The following SRBD1 variants were observed in gnomAD, a reference collection of about 807,000 sequenced individuals.
SRBD1 encodes the protein S1 RNA binding domain 1, also known as S1 RNA-binding domain-containing protein 1.
SRBD1 carries 88 observed loss-of-function variants against 115.3 expected under a neutral mutation model. The observed-to-expected ratio is 0.76, with a 90% confidence interval of 0.64 to 0.91. The LOEUF (loss-of-function observed/expected upper bound fraction) is 0.91, where lower values mean the gene tolerates loss of function less well. Among genes scored for constraint, SRBD1 ranks in the 40% least tolerant of loss-of-function variants. The pLI, the probability that SRBD1 is intolerant of heterozygous loss-of-function variation, is 0.00. For synonymous variants in SRBD1, 509 were observed against 407.7 expected (o/e 1.25, Z -2.99); for missense variants, 1,385 against 1,177.4 (o/e 1.18, Z -2.58).
intron 15 of SRBD1, among the ~76,000 whole-genome samples, chr2:45,482,204 AAC>A (rs1458345181): frequency 2.0e-5 from 3 of 152,144 alleles, no homozygotes; most frequent in Admixed American, 1.3e-4. Flanking sequence ...AATGAATGAC[AAC>A]AGTTTGCTGT....
At chr2:45,499,826 G>C (rs1372018550) in intron 14 of SRBD1, among the ~76,000 whole-genome samples, 1 of 151,750 alleles carries the variant, frequency 6.6e-6, no homozygotes, top group South Asian at 2.1e-4. Context: ...TCTACTTCTG[G>C]GTTCTCTCTT....
intron 19 of SRBD1, among the ~76,000 whole-genome samples, chr2:45,404,278 T>C (rs1417287853): frequency 6.6e-6 from 1 of 152,116 alleles, no homozygotes; most frequent in Non-Finnish European, 1.5e-5. Context: ...AGGTTTGAGA[T>C]CTTAAGTAGG....
At chr2:45,421,957 C>T (rs1469390491) in intron 16 of SRBD1, among the ~76,000 whole-genome samples, 1 of 152,150 alleles carries the variant, frequency 6.6e-6, no homozygotes, top group Non-Finnish European at 1.5e-5. Flanking sequence ...AACTTGGTTA[C>T]TCTGAGCCAC....
chr2:45,605,045 T>C (rs1462796294), intron 2 of SRBD1, among the ~76,000 whole-genome samples: 1 of 152,210 alleles, frequency 6.6e-6, no homozygotes, highest in Non-Finnish European at 1.5e-5. Context: ...TTGCACACAA[T>C]GTCAGTAGTG....
At position 45,580,146 on chromosome 2, in the gene SRBD1, A is replaced by T. The variant is rs1673304876; in HGVS notation, c.934-133T>A. 5 of 714,070 alleles carry T rather than the reference A, an allele frequency of 7.0e-6. No homozygotes were observed. In the South Asian group the frequency reaches 1.4e-4, roughly 19 times the overall value. 44.2% of individuals were successfully genotyped at this position (714,070 alleles called of 1,614,324 possible). A position where few individuals can be genotyped will look rare whatever the true frequency, so the allele number is the denominator to read the frequency against. On this transcript the variant is annotated intron_variant, in intron 6 of 20. Coordinates refer to ENST00000263736, the MANE Select transcript of SRBD1 (RefSeq NM_018079.5). ...TCAATCTTTTCCTCTTCCTTCAGAG[A>T]TGAATTAAAACTAATTTGAAAATGC...
intron 7 of SRBD1, among the ~76,000 whole-genome samples, chr2:45,579,674 G>C (rs1673284368): frequency 6.6e-6 from 1 of 151,930 alleles, no homozygotes. Flanking sequence ...ACGGGCAAAA[G>C]ACTAGAACAG....
intron 2 of SRBD1, among the ~76,000 whole-genome samples, chr2:45,604,955 T>C (rs1343603476): frequency 7.2e-5 from 11 of 152,194 alleles, no homozygotes; most frequent in Non-Finnish European, 2.9e-5. Context: ...AGGAAGCTAT[T>C]GGCATCCAGT....
chr2:45,463,167 A>G (rs1175456514), intron 16 of SRBD1, among the ~76,000 whole-genome samples: 1 of 152,150 alleles, frequency 6.6e-6, no homozygotes, highest in African/African-American at 2.4e-5. Context: ...GAACTTTGCC[A>G]TGAGTGAACC....
At chr2:45,548,692 A>T (rs1672196307) in intron 12 of SRBD1, among the ~76,000 whole-genome samples, 1 of 149,316 alleles carries the variant, frequency 6.7e-6, no homozygotes, top group Non-Finnish European at 1.5e-5. Context: ...TAAAGGACAA[A>T]AGCCACATGA....
chr2:45,395,557 T>TA (rs1184118620), intron 19 of SRBD1, among the ~76,000 whole-genome samples: 1 of 152,206 alleles, frequency 6.6e-6, no homozygotes, highest in African/African-American at 2.4e-5. Flanking sequence ...CTGAAATCAA[T>TA]AAAAAAGCAC....
chr2:45,521,413 T>G (rs1026384414), intron 14 of SRBD1, among the ~76,000 whole-genome samples: 1 of 151,788 alleles, frequency 6.6e-6, no homozygotes, highest in Non-Finnish European at 1.5e-5. Flanking sequence ...ATGTTCAACA[T>G]CTTAGTCACT....
chr2:45,543,548 G>C (rs6544828), intron 14 of SRBD1, among the ~76,000 whole-genome samples: 8,021 of 152,228 alleles, frequency 0.053, 723 homozygotes, highest in African/African-American at 0.18. Flanking sequence ...TGTTCAGAAG[G>C]TATTAAAAAT....
intron 16 of SRBD1, among the ~76,000 whole-genome samples, chr2:45,458,732 C>T (rs1269072183): frequency 1.3e-5 from 2 of 152,110 alleles, no homozygotes; most frequent in Admixed American, 1.3e-4. Flanking sequence ...TACACCAATA[C>T]TTCCTTTTTA....
chr2:45,421,919 G>A (rs536815288), intron 16 of SRBD1, among the ~76,000 whole-genome samples: 4 of 152,200 alleles, frequency 2.6e-5, no homozygotes, highest in African/African-American at 7.2e-5. Context: ...GAAAAAGATC[G>A]TAAAGTAAAA....
intron 19 of SRBD1, among the ~76,000 whole-genome samples, chr2:45,405,636 C>G (rs1667412080): frequency 6.6e-6 from 1 of 151,880 alleles, no homozygotes; most frequent in African/African-American, 2.4e-5. Context: ...TGATGAAGGT[C>G]AAAAGCTTGA....
At chr2:45,599,422 A>C in intron 4 of SRBD1, 27 bp downstream of exon 4, 9 of 1,594,092 alleles carry the variant, frequency 5.6e-6, no homozygotes, top group Non-Finnish European at 7.7e-6. Context: ...CAAAACAACT[A>C]AAGTGACAGA....
At chr2:45,461,233 C>T (rs1476864052) in intron 16 of SRBD1, among the ~76,000 whole-genome samples, 2 of 152,156 alleles carry the variant, frequency 1.3e-5, no homozygotes, top group Non-Finnish European at 2.9e-5. Context: ...GATTGTTATC[C>T]TTCCTTTCAT....
rs899496322 is a variant in SRBD1 at position 45,546,732 on chromosome 2, C to T, written c.1874G>A (p.Cys625Tyr). Residue 625 changes from cysteine to tyrosine, a missense_variant and splice_region_variant, in exon 14 of 21, where the codon TGT (cysteine) becomes TAT (tyrosine). Transcript: ENST00000263736. ...AAAGAGATATATGTAATAGCCTTACCAGTAAACAACATCCAGTGGTGCAAA... is the reference window on the plus strand; with the variant it reads ...AAAGAGATATATGTAATAGCCTTACTAGTAAACAACATCCAGTGGTGCAAA... ...NYFAPLDVVYCIVSEAGASIY... is the reference protein window; with the variant it reads ...NYFAPLDVVYYIVSEAGASIY... 4 of 1,613,616 alleles carry T rather than the reference C, an allele frequency of 2.5e-6. No homozygotes were observed. The highest frequency in any genetic ancestry group is 3.4e-6 in the Non-Finnish European group (4 of 1,179,722).
intron 14 of SRBD1, among the ~76,000 whole-genome samples, chr2:45,513,462 T>C (rs1671030888): frequency 6.6e-6 from 1 of 151,894 alleles, no homozygotes; most frequent in Admixed American, 6.6e-5. Context: ...AATACTTCGT[T>C]TCAGCCTAGC....
Sources: gnomAD v4.1 joint callset for allele counts (sites outside exome capture counted in the v4.1 genomes callset) on GRCh38, gnomAD v4.1.1 for gene constraint, MANE v1.5 for transcripts, NCBI Gene and HGNC (gene_info 2026-07-23, HGNC 2026-07-21) for gene names.